Variants in GDA observed in about 807,000 individuals in gnomAD.
The protein encoded by GDA is guanine deaminase, also known as cytoplasmic PSD-95 interactor.
GDA carries 18 observed loss-of-function variants against 59.6 expected under a neutral mutation model. That is an observed-to-expected ratio of 0.30 (90% CI 0.21 to 0.45). The LOEUF (loss-of-function observed/expected upper bound fraction) is 0.45, where lower values mean the gene tolerates loss of function less well. Ranked by LOEUF, GDA falls within the 20% of genes least tolerant of loss-of-function variation. The pLI is 1.00. For synonymous variants in GDA, 201 were observed against 201.1 expected (o/e 1.00, Z 0.00); for missense variants, 427 against 552.3 (o/e 0.77, Z 2.27).
At chr9:72,253,531 A>G (rs142288976), downstream of GDA, 11 of 152,266 alleles carry the variant, frequency 7.2e-5, no homozygotes, top group Admixed American at 5.9e-4. Context: ...CTTGCTGCCT[A>G]TCTGTGAGGA....
chr9:72,137,022 A>G (rs1481149459), intron 1 of GDA, among the ~76,000 whole-genome samples: 1 of 151,992 alleles, frequency 6.6e-6, no homozygotes. Context: ...AAAAACATAC[A>G]TATGAATATT....
intron 1 of GDA, among the ~76,000 whole-genome samples, chr9:72,156,709 T>C (rs959210628): frequency 2.0e-5 from 3 of 152,230 alleles, no homozygotes; most frequent in African/African-American, 7.2e-5. Flanking sequence ...GGATACATCA[T>C]GGTGTAAGCC....
At chr9:72,153,821 G>A (rs1827547360) in intron 1 of GDA, among the ~76,000 whole-genome samples, 1 of 108,452 alleles carries the variant, frequency 9.2e-6, no homozygotes, top group African/African-American at 3.6e-5. Flanking sequence ...TGTGGGGTGG[G>A]GGGAGGGGGG....
intron 8 of GDA, among the ~76,000 whole-genome samples, chr9:72,226,050 C>G (rs747380517): frequency 6.6e-6 from 1 of 150,592 alleles, no homozygotes. Flanking sequence ...AAAATGGACC[C>G]GAAGTTTCAT....
In GDA at chr9:72,228,034, A is replaced by G. The variant is rs749376626; in HGVS notation, c.914A>G (p.Asn305Ser). 2 of 1,523,828 alleles carry G rather than the reference A, an allele frequency of 1.3e-6. No individual in the cohort carries two copies. The highest frequency in any genetic ancestry group is 9.1e-7 in the Non-Finnish European group (1 of 1,099,096). 94.4% of individuals were successfully genotyped at this position (1,523,828 alleles called of 1,614,324 possible). ...TCCATCGCACACTGTCCCAATTCTA[A>G]TTTATCGTAAGTAGACAATGATTGT... Reference protein sequence around the residue: ...GASIAHCPNSNLSLSSGFLNV... With the variant: ...GASIAHCPNSSLSLSSGFLNV... Residue 305 changes from asparagine (N) to serine (S), a missense_variant, in exon 9 of 14, where the codon AAT becomes AGT. Physicochemically the swap from Asn to Ser is conservative, Grantham distance 46 (BLOSUM62 1). Transcript: ENST00000358399.
intron 2 of GDA, among the ~76,000 whole-genome samples, chr9:72,198,136 T>C (rs895733586): frequency 2.0e-5 from 3 of 152,204 alleles, no homozygotes; most frequent in African/African-American, 4.8e-5. Context: ...TGGCTCACCC[T>C]GTAATCCCAG....
At chr9:72,135,841 C>G (rs114762360) in intron 1 of GDA, among the ~76,000 whole-genome samples, 1 of 151,822 alleles carries the variant, frequency 6.6e-6, no homozygotes, top group African/African-American at 2.4e-5. Context: ...GAACTCCTGA[C>G]GTCAGGTGAT....
At chr9:72,128,488 G>C (rs1448999036) in intron 1 of GDA, among the ~76,000 whole-genome samples, 2 of 152,034 alleles carry the variant, frequency 1.3e-5, no homozygotes, top group African/African-American at 2.4e-5. Context: ...CCACATGCTA[G>C]GCATTTTATA....
intron 1 of GDA, among the ~76,000 whole-genome samples, chr9:72,118,836 T>C (rs963033692): frequency 8.8e-4 from 134 of 152,330 alleles, no homozygotes; most frequent in African/African-American, 3.1e-3. Flanking sequence ...ATTTTAACAT[T>C]GCATGACAAA....
downstream of GDA, among the ~76,000 whole-genome samples, chr9:72,255,145 A>G (rs1225037019): frequency 6.6e-6 from 1 of 152,254 alleles, no homozygotes; most frequent in East Asian, 1.9e-4. Context: ...TAGGCAGTGC[A>G]GCTAAAGTTG....
intron 6 of GDA, among the ~76,000 whole-genome samples, chr9:72,222,702 G>T (rs1176625109): frequency 6.6e-6 from 1 of 151,710 alleles, no homozygotes; most frequent in African/African-American, 2.4e-5. Flanking sequence ...GTTGTTGTTT[G>T]GTTGGTTTTT....
rs1839567525 is a variant in GDA, at chr9:72,241,142, C to T, written c.989-10C>T. 2 of 1,580,922 alleles carry T rather than the reference C, an allele frequency of 1.3e-6. No homozygotes were observed. Among genetic ancestry groups the T allele is most frequent in the East Asian group, 2.3e-5 (1 of 44,372 alleles). On this transcript the variant is annotated splice_polypyrimidine_tract_variant and intron_variant, in intron 10 of 13. Transcript: ENST00000358399. ...AGGTTACTGTTTTGGTTTTATTTTA[C>T]CTACTGCAGACGTGGCTGGTGGCTA... is the stretch of plus-strand genomic sequence containing the variant.
intron 10 of GDA, among the ~76,000 whole-genome samples, chr9:72,237,972 C>T (rs1399174330): frequency 6.6e-6 from 1 of 152,048 alleles, no homozygotes; most frequent in Non-Finnish European, 1.5e-5. Context: ...TAGGCCCTTC[C>T]AGTCCATTGT....
intron 1 of GDA, among the ~76,000 whole-genome samples, chr9:72,124,517 C>G (rs1209443282): frequency 6.6e-6 from 1 of 151,960 alleles, no homozygotes; most frequent in Admixed American, 6.6e-5. Context: ...GTGGAGAAAT[C>G]ACCAATAATA....
chr9:72,188,120 G>A (rs769426560), intron 1 of GDA, among the ~76,000 whole-genome samples: 1 of 152,204 alleles, frequency 6.6e-6, no homozygotes, highest in African/African-American at 2.4e-5. Context: ...TATGTGAAAA[G>A]ATTTGGAAAA....
chr9:72,258,141 A>G (rs147498958), downstream of GDA, among the ~76,000 whole-genome samples: 1,479 of 151,586 alleles, frequency 9.8e-3, 22 homozygotes, highest in African/African-American at 0.034. Flanking sequence ...TGAGACCCTT[A>G]TCTCTACAAA....
intron 1 of GDA, among the ~76,000 whole-genome samples, chr9:72,192,880 A>AAAC (rs150999149): frequency 0.037 from 5,582 of 151,504 alleles, 330 homozygotes; most frequent in African/African-American, 0.13. Flanking sequence ...CTCCTTCTCA[A>AAAC]AACAACAACA....
chr9:72,166,167 T>G (rs1412840099), intron 1 of GDA, among the ~76,000 whole-genome samples: 2 of 152,230 alleles, frequency 1.3e-5, no homozygotes, highest in African/African-American at 4.8e-5. Flanking sequence ...ATAAGATTTA[T>G]GCTAGATTTA....
upstream of GDA, chr9:72,149,424 C>T (rs1352096766): frequency 9.5e-7 from 1 of 1,051,536 alleles, no homozygotes; most frequent in Non-Finnish European, 1.3e-6. Flanking sequence ...CGGCAACCGC[C>T]CGGGTAAGCG....
Sources: allele counts gnomAD v4.1 joint callset (sites outside exome capture counted in the v4.1 genomes callset), GRCh38; gene constraint gnomAD v4.1.1; transcripts MANE v1.5; gene names NCBI Gene and HGNC (gene_info 2026-07-23, HGNC 2026-07-21).